Variants in WSCD2 observed in about 807,000 individuals in gnomAD.
The protein encoded by WSCD2 is WSC domain sialate O sulfotransferase 2, also known as sialate:O-sulfotransferase 2.
In WSCD2, 28 loss-of-function variants were observed where a neutral mutation model predicts 55.7. That is an observed-to-expected ratio of 0.50 (90% CI 0.37 to 0.69). WSCD2 has a LOEUF of 0.69. Among genes scored for constraint, WSCD2 ranks in the 30% least tolerant of loss-of-function variants. WSCD2 has a pLI of 0.00. For synonymous variants in WSCD2, 301 were observed against 301.9 expected (o/e 1.00, Z 0.03); for missense variants, 616 against 762.1 (o/e 0.81, Z 2.26).
At chr12:108,212,648 C>A (rs896648999) in intron 4 of WSCD2, among the ~76,000 whole-genome samples, 1 of 151,912 alleles carries the variant, frequency 6.6e-6, no homozygotes, top group African/African-American at 2.4e-5. Context: ...CAGACACACA[C>A]ACACACTGCT....
At chr12:108,217,801 G>A (rs1337388159) in intron 4 of WSCD2, among the ~76,000 whole-genome samples, 1 of 151,898 alleles carries the variant, frequency 6.6e-6, no homozygotes, top group Non-Finnish European at 1.5e-5. Context: ...ATCCATCTCG[G>A]GCCCTTTAAG....
intron 1 of WSCD2, among the ~76,000 whole-genome samples, chr12:108,132,623 G>T (rs931450714): frequency 6.6e-6 from 1 of 152,006 alleles, no homozygotes; most frequent in Non-Finnish European, 1.5e-5. Context: ...TTGTATATAT[G>T]TGAGTCATGT....
chr12:108,201,759 T>C (rs1161823332), intron 2 of WSCD2, among the ~76,000 whole-genome samples: 1 of 152,192 alleles, frequency 6.6e-6, no homozygotes, highest in African/African-American at 2.4e-5. Context: ...TTAGTTCATG[T>C]TTAGCTACCC....
chr12:108,245,982 A>G (rs756712454), intron 8 of WSCD2, among the ~76,000 whole-genome samples: 4 of 152,270 alleles, frequency 2.6e-5, no homozygotes, highest in Non-Finnish European at 5.9e-5. Flanking sequence ...CCTTCGCCAC[A>G]CTGCAATTTG....
At chr12:108,204,763 C>T (rs1016602705) in intron 2 of WSCD2, among the ~76,000 whole-genome samples, 4 of 152,138 alleles carry the variant, frequency 2.6e-5, no homozygotes, top group Admixed American at 6.5e-5. Context: ...ACATCTCCAG[C>T]GGGGCTGAAA....
At chr12:108,223,323 T>C (rs1037357655) in intron 4 of WSCD2, among the ~76,000 whole-genome samples, 1 of 152,244 alleles carries the variant, frequency 6.6e-6, no homozygotes, top group Non-Finnish European at 1.5e-5. Context: ...TATATGTCTC[T>C]CTAGAGATTA....
chr12:108,228,260 T>C (rs1350237177), intron 6 of WSCD2, among the ~76,000 whole-genome samples: 1 of 152,210 alleles, frequency 6.6e-6, no homozygotes, highest in African/African-American at 2.4e-5. Flanking sequence ...TCTGAATATA[T>C]TGACCATCTA....
intron 1 of WSCD2, among the ~76,000 whole-genome samples, chr12:108,188,094 C>T (rs1882736026): frequency 6.6e-6 from 1 of 152,088 alleles, no homozygotes; most frequent in Non-Finnish European, 1.5e-5. Context: ...TGTTAAAGGC[C>T]ATTAAGCTAA....
At chr12:108,169,853 CTG>C (rs773076719) in intron 1 of WSCD2, among the ~76,000 whole-genome samples, 3 of 152,192 alleles carry the variant, frequency 2.0e-5, no homozygotes, top group Non-Finnish European at 4.4e-5. Flanking sequence ...GGCAGTGACT[CTG>C]TAAATTTTGT....
intron 4 of WSCD2, among the ~76,000 whole-genome samples, chr12:108,218,018 T>C (rs1163560607): frequency 6.6e-6 from 1 of 152,176 alleles, no homozygotes; most frequent in East Asian, 1.9e-4. Context: ...GCCTAGGGAT[T>C]CCACATGGGT....
chr12:108,172,846 A>T (rs550532983), intron 1 of WSCD2, among the ~76,000 whole-genome samples: 1 of 152,318 alleles, frequency 6.6e-6, no homozygotes, highest in African/African-American at 2.4e-5. Flanking sequence ...TAGGAAGCTA[A>T]CACATCAGGT....
intron 6 of WSCD2, among the ~76,000 whole-genome samples, chr12:108,229,034 A>T (rs990387350): frequency 6.6e-6 from 1 of 152,162 alleles, no homozygotes; most frequent in South Asian, 2.1e-4. Flanking sequence ...AACGCAGATA[A>T]CAATTCCCTA....
chr12:108,218,048 A>G (rs1481130247), intron 4 of WSCD2, among the ~76,000 whole-genome samples: 1 of 152,086 alleles, frequency 6.6e-6, no homozygotes, highest in East Asian at 1.9e-4. Context: ...TTTTCAGTCT[A>G]AGGACAGCTG....
chr12:108,194,386 C>T (rs1883615980), intron 1 of WSCD2, among the ~76,000 whole-genome samples: 1 of 152,170 alleles, frequency 6.6e-6, no homozygotes, highest in Non-Finnish European at 1.5e-5. Context: ...TCTCTGAATT[C>T]TCAAGTGATG....
intron 2 of WSCD2, among the ~76,000 whole-genome samples, chr12:108,200,880 G>A (rs941994131): frequency 1.3e-5 from 2 of 152,132 alleles, no homozygotes; most frequent in African/African-American, 4.8e-5. Context: ...CTAGATATGA[G>A]CAGGAAATTC....
rs1337233125 is a variant in WSCD2, at chr12:108,196,173, C to A, written c.341C>A (p.Ala114Asp). The change falls in exon 2 of 9, where the codon GCC becomes GAC. Residue 114 changes from alanine to aspartate, a missense_variant. Around this residue, in one of 3 missense-constraint regions of WSCD2, gnomAD observed 374 missense variants for 467.4 expected, o/e 0.80. Coordinates refer to ENST00000547525, the MANE Select transcript of WSCD2 (RefSeq NM_014653.4). ...GACTACGGTGGAGCCTGGAGCCGAG[C>A]CCTCAAGGGGAGGGTTGTCCGGGAG... ...LGDYGGAWSR[A>D]LKGRVVREKE... 6.2e-7 allele frequency: 1 copy of A among 1,613,972 alleles called. No homozygotes were observed. Among genetic ancestry groups the A allele is most frequent in the South Asian group, 1.1e-5 (1 of 91,054 alleles).
chr12:108,180,199 T>C (rs1284812898), intron 1 of WSCD2, among the ~76,000 whole-genome samples: 1 of 152,198 alleles, frequency 6.6e-6, no homozygotes, highest in African/African-American at 2.4e-5. Context: ...AAGATTGTCA[T>C]TTTCCTGATG....
At chr12:108,202,194 G>C (rs894684271) in intron 2 of WSCD2, among the ~76,000 whole-genome samples, 1 of 152,148 alleles carries the variant, frequency 6.6e-6, no homozygotes. Flanking sequence ...TGGTTGTATT[G>C]GTCGCAGCCT....
chr12:108,196,060 C>T lies in WSCD2; in HGVS notation c.228C>T (p.Phe76=), dbSNP rs1312716846. Residue 76 remains phenylalanine (F), a synonymous_variant, in exon 2 of 9, where the codon TTC becomes TTT. Coordinates refer to ENST00000547525, the MANE Select transcript of WSCD2 (RefSeq NM_014653.4). ...FLGDMHLGRG[F]RDTGEASSIA... is the part of the protein sequence containing the mutation. ...GTGACATGCATCTGGGCAGAGGTTT[C>T]CGGGACACAGGTGAAGCCTCAAGCA... The T allele has an allele frequency of 1.2e-6, 2 of 1,614,028 alleles. No homozygotes were observed. Among genetic ancestry groups the T allele is most frequent in the Non-Finnish European group, 1.7e-6 (2 of 1,180,032 alleles).
Sources: allele counts gnomAD v4.1 joint callset (sites outside exome capture counted in the v4.1 genomes callset), GRCh38; gene constraint gnomAD v4.1.1; regional missense constraint gnomAD v4.1.1; transcripts MANE v1.5; gene names NCBI Gene and HGNC (gene_info 2026-07-23, HGNC 2026-07-21).